TIE1: variants seen among roughly 807,000 people sequenced by gnomAD.
The protein encoded by TIE1 is tyrosine kinase with immunoglobulin like and EGF like domains 1, also known as tyrosine-protein kinase receptor Tie-1.
In TIE1, 89 loss-of-function variants were observed where a neutral mutation model predicts 130.5. That is an observed-to-expected ratio of 0.68 (90% confidence interval 0.57 to 0.81). TIE1 has a LOEUF of 0.81. Ranked by LOEUF, TIE1 falls within the 40% of genes least tolerant of loss-of-function variation. The pLI is 0.00. For synonymous variants in TIE1, 568 were observed against 629.4 expected (o/e 0.90, Z 1.46); for missense variants, 1,392 against 1,559.8 (o/e 0.89, Z 1.81).
Position 43,322,800 on chromosome 1 carries a change from C to T in TIE1, c.*78C>T, listed in dbSNP as rs1646932470. 7.2e-7 allele frequency: 1 copy of T among 1,385,062 alleles called. No individual in the cohort carries two copies. Among genetic ancestry groups the T allele is most frequent in the Non-Finnish European group, 1.0e-6 (1 of 990,346 alleles). 85.8% of individuals were successfully genotyped at this position (1,385,062 alleles called of 1,614,324 possible). ...TAACCTGTGACCAGTCTGACCCTTA[C>T]AGCCTCTGACTTAAGCTGCCTCAAG... On this transcript the variant is annotated 3_prime_UTR_variant, in exon 23 of 23. Transcript: ENST00000372476. This position sits in a 1 kb window ranked among gnomAD's most constrained non-coding sequence, Gnocchi z 4.0.
At chr1:43,304,714 G>A in intron 1 of TIE1, 137 bp from the exon 2 acceptor site, 1 of 906,236 alleles carries the variant, frequency 1.1e-6, no homozygotes. Flanking sequence ...CCGGGCAGGG[G>A]AAGGAAGAGG....
At position 43,317,850 on chromosome 1, in the gene TIE1, A is replaced by C; in HGVS notation, c.2732-32A>C. On this transcript the variant is annotated intron_variant, in intron 16 of 22. Coordinates refer to ENST00000372476, the MANE Select transcript of TIE1 (RefSeq NM_005424.5). This position sits in a 1 kb window ranked among gnomAD's most constrained non-coding sequence, Gnocchi z 5.1. ...CTCCCACCCTAGGTTGCCTGTGTCT[A>C]AATCACCACTGTCTGTCTCTTTGCC... 1 of 1,611,130 alleles carries C rather than the reference A, an allele frequency of 6.2e-7. No individual in the cohort carries two copies. The highest frequency in any genetic ancestry group is 8.5e-7 in the Non-Finnish European group (1 of 1,178,032).
In TIE1 at chr1:43,323,012, C is replaced by T. The variant is rs1052218490; in HGVS notation, c.*290C>T. Reference sequence around the variant, plus strand: ...ACACAAACCCCCACTCCAGCTCCTTCGCTTAAGCCAGCACTCACACCACTA... The same window carrying T: ...ACACAAACCCCCACTCCAGCTCCTTTGCTTAAGCCAGCACTCACACCACTA... On this transcript the variant is annotated 3_prime_UTR_variant, in exon 23 of 23. Coordinates refer to ENST00000372476, the MANE Select transcript of TIE1 (RefSeq NM_005424.5). The T allele has an allele frequency of 7.0e-6, 3 of 428,044 alleles. No homozygotes were observed. The highest frequency in any genetic ancestry group is 2.0e-5 in the African/African-American group (1 of 50,242). The allele number at this position is 428,044 out of a possible 1,614,324, so 26.5% of individuals were successfully genotyped here.
Position 43,305,183 on chromosome 1 carries a change from G to A in TIE1, c.373+18G>A. On this transcript the variant is annotated intron_variant, in intron 2 of 22. Coordinates refer to ENST00000372476, the MANE Select transcript of TIE1 (RefSeq NM_005424.5). ...CCCTGGAGGTGAGTTAGGCAGGCGG[G>A]GGGATGGCGCGGGGAAAACCAGGCC... 2 of 1,614,030 alleles carry A rather than the reference G, an allele frequency of 1.2e-6. No homozygotes were observed. The highest frequency in any genetic ancestry group is 1.3e-5 in the African/African-American group (1 of 75,048).
At position 43,322,839 on chromosome 1, in the gene TIE1, T is replaced by C; in HGVS notation, c.*117T>C. 1 of 964,056 alleles carries C rather than the reference T, an allele frequency of 1.0e-6. No homozygotes were observed. The highest frequency in any genetic ancestry group is 1.6e-6 in the Non-Finnish European group (1 of 643,428). The allele number at this position is 964,056 out of a possible 1,614,324, so 59.7% of individuals were successfully genotyped here. ...AGCTGCCTCAAGGAATTTTTTTAAC[T>C]TAAGGGAGAAAAAAAGGGATCTGGG... On this transcript the variant is annotated 3_prime_UTR_variant, in exon 23 of 23. Transcript: ENST00000372476. The surrounding 1 kb of genome is among the most constrained non-coding windows in gnomAD (Gnocchi z 4.0).
rs777111224 is a variant in TIE1 at position 43,317,982 on chromosome 1, G to A, written c.2832G>A (p.Glu944=). The change falls in exon 17 of 23, where the codon GAG becomes GAA. Residue 944 remains glutamate, a synonymous_variant. Coordinates refer to ENST00000372476, the MANE Select transcript of TIE1 (RefSeq NM_005424.5). This position sits in a 1 kb window ranked among gnomAD's most constrained non-coding sequence, Gnocchi z 5.1. ...AGACTGACCCAGCTTTTGCTCGAGA[G>A]CATGGGACAGCCTCTACCCTTAGCT... ...VLETDPAFAR[E]HGTASTLSSR... 1.2e-5 allele frequency: 19 copies of A among 1,611,632 alleles called. No individual in the cohort carries two copies. The highest frequency in any genetic ancestry group is 5.0e-5 in the Admixed American group (3 of 59,654).
rs1412789519 is a variant in TIE1, at chr1:43,313,453, C to G, written c.2218+28C>G. ...GAGAGGGCAGGGCCCACAGGACCCC[C>G]CGGGCTCTGAGCGGGGAGAGCTCAG... is the stretch of plus-strand genomic sequence containing the variant. On this transcript the variant is annotated intron_variant, in intron 13 of 22. Coordinates refer to ENST00000372476, the MANE Select transcript of TIE1 (RefSeq NM_005424.5). This position sits in a 1 kb window ranked among gnomAD's most constrained non-coding sequence, Gnocchi z 6.2. 6.2e-7 allele frequency: 1 copy of G among 1,612,254 alleles called. No homozygotes were observed. The highest frequency in any genetic ancestry group is 8.5e-7 in the Non-Finnish European group (1 of 1,179,100).
In TIE1 at chr1:43,312,108, C is replaced by T. The variant is rs763117481; in HGVS notation, c.1607C>T (p.Thr536Ile). Residue 536 changes from threonine to isoleucine, a missense_variant, in exon 11 of 23, where the codon ACC becomes ATC. Physicochemically the swap from Thr to Ile is moderately conservative, Grantham distance 89 (BLOSUM62 -1). Transcript: ENST00000372476. This position sits in a 1 kb window ranked among gnomAD's most constrained non-coding sequence, Gnocchi z 5.6. Reference protein sequence around the residue: ...EGGEGAWGPPTLMTTDCPEPL... With the variant: ...EGGEGAWGPPILMTTDCPEPL... ...GGAGAGGGGGCCTGGGGGCCTCCCA[C>T]CCTCATGACCACAGACTGTCCTGGT... 2.5e-6 allele frequency: 4 copies of T among 1,574,410 alleles called. No homozygotes were observed. In the East Asian group the frequency reaches 9.0e-5, roughly 35 times the overall value.
At position 43,311,802 on chromosome 1, in the gene TIE1, A is replaced by G. The variant is rs1182858828; in HGVS notation, c.1465A>G (p.Ser489Gly). ...CCGCCTGCACTACCGGCCCCAGGAC[A>G]GTACCATGGACTGGTCGACCATTGT... ...TVRLHYRPQD[S>G]TMDWSTIVVD... The change falls in exon 10 of 23, where the codon AGT becomes GGT. Residue 489 changes from serine (S) to glycine (G), a missense_variant. Transcript: ENST00000372476. The G allele has an allele frequency of 2.5e-6, 4 of 1,613,878 alleles. No individual in the cohort carries two copies. Among genetic ancestry groups the G allele is most frequent in the East Asian group, 2.2e-5 (1 of 44,886 alleles).
At position 43,307,411 on chromosome 1, in the gene TIE1, C is replaced by A. The variant is rs773188803; in HGVS notation, c.773-21C>A. On this transcript the variant is annotated intron_variant, in intron 5 of 22. Coordinates refer to ENST00000372476, the MANE Select transcript of TIE1 (RefSeq NM_005424.5). This position sits in a 1 kb window ranked among gnomAD's most constrained non-coding sequence, Gnocchi z 5.4. Reference sequence around the variant, plus strand: ...CCAGGGGCCCACAGAGGCCCATACACCCCACACACTCTCTTTCTAGCCTGC... The same window carrying A: ...CCAGGGGCCCACAGAGGCCCATACAACCCACACACTCTCTTTCTAGCCTGC... 6.2e-7 allele frequency: 1 copy of A among 1,613,708 alleles called. No homozygotes were observed. The highest frequency in any genetic ancestry group is 1.7e-5 in the Admixed American group (1 of 59,998).
Position 43,317,984 on chromosome 1 carries a change from A to G in TIE1, c.2834A>G (p.His945Arg). The G allele has an allele frequency of 6.2e-7, 1 of 1,611,802 alleles. No individual in the cohort carries two copies. Among genetic ancestry groups the G allele is most frequent in the Non-Finnish European group, 8.5e-7 (1 of 1,178,784 alleles). Residue 945 changes from histidine (H) to arginine (R), a missense_variant, in exon 17 of 23, where the codon CAT becomes CGT. Around this residue, in one of 6 missense-constraint regions of TIE1, gnomAD observed 286 missense variants for 354.4 expected, o/e 0.81. Coordinates refer to ENST00000372476, the MANE Select transcript of TIE1 (RefSeq NM_005424.5). The surrounding 1 kb of genome is among the most constrained non-coding windows in gnomAD (Gnocchi z 5.1). ...ACTGACCCAGCTTTTGCTCGAGAGC[A>G]TGGGACAGCCTCTACCCTTAGCTCC... ...LETDPAFARE[H>R]GTASTLSSRQ...
At chr1:43,321,753 C>G (rs1292748481) in intron 22 of TIE1, 38 bp downstream of exon 22, 13 of 1,529,270 alleles carry the variant, frequency 8.5e-6, no homozygotes, top group Non-Finnish European at 1.2e-5. Flanking sequence ...GCTGGGCTCA[C>G]AGAGTGCTCC....
chr1:43,307,666 C>T lies in TIE1; in HGVS notation c.913+94C>T. On this transcript the variant is annotated intron_variant, in intron 6 of 22. Transcript: ENST00000372476. The surrounding 1 kb of genome is among the most constrained non-coding windows in gnomAD (Gnocchi z 5.4). The stretch of plus-strand genomic sequence containing the variant: ...CTCTGCCTCTGACTTACGCAGCAAG[C>T]CCTCCTGCTCACTTGACCAGTCCTT... 1 of 1,602,132 alleles carries T rather than the reference C, an allele frequency of 6.2e-7. No homozygotes were observed. The highest frequency in any genetic ancestry group is 2.2e-5 in the East Asian group (1 of 44,710).
Position 43,305,225 on chromosome 1 carries a change from C to A in TIE1, c.374-8C>A, listed in dbSNP as rs1206016391. The A allele has an allele frequency of 6.2e-7, 1 of 1,613,826 alleles. No individual in the cohort carries two copies. The highest frequency in any genetic ancestry group is 1.3e-5 in the African/African-American group (1 of 74,924). On this transcript the variant is annotated splice_polypyrimidine_tract_variant and splice_region_variant and intron_variant, in intron 2 of 22. Transcript: ENST00000372476. ...AACCAGGCCGCTGACCCACCTTCCA[C>A]CCCGCAGCCCACCTGCTTCCAGACA...
In TIE1 at chr1:43,313,524, C is replaced by T; in HGVS notation, c.2218+99C>T. ...CCCCCTACTGTGGAGCTAGGGCATC[C>T]CAGGCCCCTCCTGACAAAGAGTCAG... is the stretch of plus-strand genomic sequence containing the variant. On this transcript the variant is annotated intron_variant, in intron 13 of 22. Coordinates refer to ENST00000372476, the MANE Select transcript of TIE1 (RefSeq NM_005424.5). The surrounding 1 kb of genome is among the most constrained non-coding windows in gnomAD (Gnocchi z 6.2). 1 of 1,420,450 alleles carries T rather than the reference C, an allele frequency of 7.0e-7. No individual in the cohort carries two copies. Among genetic ancestry groups the T allele is most frequent in the African/African-American group, 1.4e-5 (1 of 70,696 alleles). 88.0% of individuals were successfully genotyped at this position (1,420,450 alleles called of 1,614,324 possible).
rs1429033631 is a variant in TIE1, at chr1:43,321,654, A to G, written c.3284A>G (p.Tyr1095Cys). 6.4e-7 allele frequency: 1 copy of G among 1,553,482 alleles called. No individual in the cohort carries two copies. Among genetic ancestry groups the G allele is most frequent in the Non-Finnish European group, 8.7e-7 (1 of 1,147,988 alleles). The change falls in exon 22 of 23, where the codon TAT (tyrosine) becomes TGT (cysteine). Residue 1095 changes from tyrosine to cysteine, a missense_variant. By Grantham distance (194) the Tyr-to-Cys change is radical. Transcript: ENST00000372476. ...CGTCAGTGCTGGCGGGACCGTCCCT[A>G]TGAGCGACCCCCCTTTGCCCAGATT... ...LMRQCWRDRP[Y>C]ERPPFAQIAL...
Position 43,313,857 on chromosome 1 carries a change from G to A in TIE1, c.2298G>A (p.Val766=). ...GLDQQLILAV[V]GSVSATCLTI... Reference sequence around the variant, plus strand: ...ATCAGCAGCTGATCCTGGCGGTGGTGGGCTCCGTGTCTGCCACCTGCCTCA... The same window carrying A: ...ATCAGCAGCTGATCCTGGCGGTGGTAGGCTCCGTGTCTGCCACCTGCCTCA... Residue 766 remains valine, a synonymous_variant, in exon 14 of 23, where the codon GTG becomes GTA. Coordinates refer to ENST00000372476, the MANE Select transcript of TIE1 (RefSeq NM_005424.5). This position sits in a 1 kb window ranked among gnomAD's most constrained non-coding sequence, Gnocchi z 6.2. The A allele has an allele frequency of 6.2e-7, 1 of 1,614,004 alleles. No individual in the cohort carries two copies. The highest frequency in any genetic ancestry group is 1.1e-5 in the South Asian group (1 of 91,074).
chr1:43,305,434 C>T, intron 3 of TIE1, 91 bp downstream of exon 3: 1 of 1,253,898 alleles, frequency 8.0e-7, no homozygotes, highest in Admixed American at 2.8e-5. Flanking sequence ...TCAGCTTTGG[C>T]CCCTGACACA....
Position 43,307,039 on chromosome 1 carries a change from G to T in TIE1, c.640+44G>T. On this transcript the variant is annotated intron_variant, in intron 4 of 22. Transcript: ENST00000372476. This position sits in a 1 kb window ranked among gnomAD's most constrained non-coding sequence, Gnocchi z 5.4. ...AGGTTGTGGGTAGGGTGGGAGGCTG[G>T]GAGCCCTATGGGTACTTCCTGTGGG... The T allele has an allele frequency of 6.2e-7, 1 of 1,613,202 alleles. No homozygotes were observed. Among genetic ancestry groups the T allele is most frequent in the East Asian group, 2.2e-5 (1 of 44,874 alleles).
Sources: gnomAD v4.1 joint callset for allele counts on GRCh38, gnomAD v4.1.1 for gene constraint, gnomAD v4.1.1 regional missense constraint, Gnocchi (gnomAD v3.1) non-coding constraint, MANE v1.5 for transcripts, NCBI Gene and HGNC (gene_info 2026-07-23, HGNC 2026-07-21) for gene names.